Variants in GRIN2A observed in about 807,000 individuals in gnomAD.
The protein encoded by GRIN2A is glutamate receptor ionotropic, NMDA 2A.
A neutral mutation model predicts 113.4 loss-of-function variants in GRIN2A; 22 were observed. That is an observed-to-expected ratio of 0.19 (90% CI 0.14 to 0.28). GRIN2A has a LOEUF of 0.28. GRIN2A is among the 10% of genes least tolerant of loss of function. GRIN2A has a pLI of 1.00. For missense variants in GRIN2A, 1,502 were observed against 1,887.0 expected, an observed-to-expected ratio of 0.80 and a Z score of 3.78; for synonymous variants, 827 against 738.4, an observed-to-expected ratio of 1.12 and a Z score of -1.94.
At chr16:10,124,563 G>A (rs1780023629) in intron 2 of GRIN2A, among the ~76,000 whole-genome samples, 2 of 152,176 alleles carry the variant, frequency 1.3e-5, no homozygotes, top group South Asian at 2.1e-4. Flanking sequence ...TACAGACAGG[G>A]GCACTGAAAT....
chr16:10,063,411 T>C (rs1390429797), intron 2 of GRIN2A, among the ~76,000 whole-genome samples: 3 of 152,218 alleles, frequency 2.0e-5, no homozygotes, highest in African/African-American at 4.8e-5. Context: ...CAAATCACTG[T>C]GCATGAGCCC....
At chr16:9,881,382 C>A (rs879444932) in intron 4 of GRIN2A, among the ~76,000 whole-genome samples, 8 of 152,122 alleles carry the variant, frequency 5.3e-5, no homozygotes, top group Non-Finnish European at 2.9e-5. Context: ...TAAATAAAAC[C>A]ATTTCAGGGT....
In GRIN2A at chr16:10,023,584, G is replaced by T. The variant is rs78150038; in HGVS notation, c.415-85033C>A. Among the ~76,000 whole-genome samples, 831 of 152,286 alleles carry T rather than the reference G, an allele frequency of 5.5e-3. 5 individuals carry two copies. Among genetic ancestry groups the T allele is most frequent in the African/African-American group, 0.019 (797 of 41,546 alleles). ...TACTAAGTCCTCATTAACTGGTGAT[G>T]AAAGAAATAGATGTGAAGGAATTAA... On this transcript the variant is annotated intron_variant, in intron 2 of 12. Transcript: ENST00000330684.
At chr16:9,894,389 A>C (rs751950744) in intron 3 of GRIN2A, among the ~76,000 whole-genome samples, 1 of 152,234 alleles carries the variant, frequency 6.6e-6, no homozygotes, top group Non-Finnish European at 1.5e-5. Flanking sequence ...GCTTCTCTGC[A>C]CTTGAGGGGA....
chr16:10,074,171 A>G (rs2047821602), intron 2 of GRIN2A, among the ~76,000 whole-genome samples: 1 of 152,260 alleles, frequency 6.6e-6, no homozygotes, highest in South Asian at 2.1e-4. Context: ...CAAAATCACA[A>G]TCAGATAGCA....
At chr16:9,850,292 C>T (rs2042860781) in intron 4 of GRIN2A, among the ~76,000 whole-genome samples, 1 of 152,132 alleles carries the variant, frequency 6.6e-6, no homozygotes, top group Admixed American at 6.6e-5. Context: ...ACAGCATAGA[C>T]TTTTAGAATC....
Position 10,180,420 on chromosome 16 carries a change from C to A in GRIN2A, c.-9G>T, listed in dbSNP as rs2050244468. 6.2e-7 allele frequency: 1 copy of A among 1,602,876 alleles called. No homozygotes were observed. Among genetic ancestry groups the A allele is most frequent in the Admixed American group, 1.7e-5 (1 of 59,738 alleles). ...TAGCCCACTCTGCCCATAGTCGCCA[C>A]TGACGGTCCCTGCAAGGTGAAGAGT... On this transcript the variant is annotated 5_prime_UTR_variant, in exon 2 of 13. Coordinates refer to ENST00000330684, the MANE Select transcript of GRIN2A (RefSeq NM_001134407.3). This position sits in a 1 kb window ranked among gnomAD's most constrained non-coding sequence, Gnocchi z 7.0.
intron 2 of GRIN2A, among the ~76,000 whole-genome samples, chr16:9,995,196 A>C (rs892855617): frequency 6.6e-6 from 1 of 152,194 alleles, no homozygotes; most frequent in Non-Finnish European, 1.5e-5. Flanking sequence ...GGCCTGAATT[A>C]TAAGAAATCA....
intron 2 of GRIN2A, among the ~76,000 whole-genome samples, chr16:9,994,521 C>G (rs1256882622): frequency 1.3e-5 from 2 of 152,110 alleles, no homozygotes; most frequent in Non-Finnish European, 2.9e-5. Flanking sequence ...ATGTTAACCT[C>G]TGTGTGTCAA....
intron 10 of GRIN2A, among the ~76,000 whole-genome samples, chr16:9,816,352 C>A (rs930605877): frequency 6.6e-6 from 1 of 152,078 alleles, no homozygotes; most frequent in African/African-American, 2.4e-5. Flanking sequence ...GTAAAGGAAA[C>A]CAACAGAGAC....
At chr16:10,161,080 G>A (rs2049799731) in intron 2 of GRIN2A, among the ~76,000 whole-genome samples, 1 of 152,310 alleles carries the variant, frequency 6.6e-6, no homozygotes, top group East Asian at 1.9e-4. Flanking sequence ...ATCTTGAATT[G>A]TAGTTCCCAT....
chr16:10,100,373 T>G lies in GRIN2A; in HGVS notation c.414+79625A>C, dbSNP rs79151013. On this transcript the variant is annotated intron_variant, in intron 2 of 12. Transcript: ENST00000330684. Reference sequence around the variant, plus strand: ...GCAAAGGAGAGTAATTCGAAGACCTTTGGTAGTCCTGGCAAGAGATGTTGA... The same window carrying G: ...GCAAAGGAGAGTAATTCGAAGACCTGTGGTAGTCCTGGCAAGAGATGTTGA... Among the ~76,000 whole-genome samples, 1,258 of 152,262 alleles carry G rather than the reference T, an allele frequency of 8.3e-3. 22 individuals are homozygous for G. Among genetic ancestry groups the G allele is most frequent in the African/African-American group, 0.029 (1,206 of 41,546 alleles).
chr16:10,026,252 C>A (rs929739595), intron 2 of GRIN2A, among the ~76,000 whole-genome samples: 1 of 152,156 alleles, frequency 6.6e-6, no homozygotes, highest in South Asian at 2.1e-4. Flanking sequence ...CAAGTCACGT[C>A]ACCTTCCTAA....
chr16:10,104,476 T>G (rs768818965), intron 2 of GRIN2A, among the ~76,000 whole-genome samples: 3 of 152,152 alleles, frequency 2.0e-5, no homozygotes, highest in African/African-American at 7.2e-5. Flanking sequence ...GACTTAATAA[T>G]CAGTATGTAA....
chr16:10,068,018 G>C (rs958982289), intron 2 of GRIN2A, among the ~76,000 whole-genome samples: 1 of 152,210 alleles, frequency 6.6e-6, no homozygotes, highest in African/African-American at 2.4e-5. Flanking sequence ...GCTACAAGAT[G>C]GCTGAAAGCC....
intron 3 of GRIN2A, 21 bp from the exon 4 acceptor site, chr16:9,891,121 A>G (rs145077589): frequency 6.9e-7 from 1 of 1,455,324 alleles, no homozygotes; most frequent in African/African-American, 1.4e-5. Flanking sequence ...GAAGAGAGAA[A>G]GACAAATTTT....
chr16:9,943,014 T>C (rs769318330), intron 2 of GRIN2A: 2 of 152,200 alleles, frequency 1.3e-5, no homozygotes, highest in Non-Finnish European at 2.9e-5. Flanking sequence ...CAGGACATGA[T>C]GGGGAATCTG....
chr16:9,801,434 C>T (rs1903354819), intron 10 of GRIN2A, among the ~76,000 whole-genome samples: 1 of 152,188 alleles, frequency 6.6e-6, no homozygotes, highest in Non-Finnish European at 1.5e-5. Context: ...GAAACCTTCT[C>T]CTATCCTGCT....
chr16:10,092,256 G>C (rs115502855), intron 2 of GRIN2A, among the ~76,000 whole-genome samples: 7 of 152,160 alleles, frequency 4.6e-5, no homozygotes, highest in Non-Finnish European at 1.0e-4. Context: ...ATAATTACAT[G>C]CACATACTTT....
Sources: gnomAD v4.1 joint callset for allele counts (sites outside exome capture counted in the v4.1 genomes callset) on GRCh38, gnomAD v4.1.1 for gene constraint, Gnocchi (gnomAD v3.1) non-coding constraint, MANE v1.5 for transcripts, NCBI Gene and HGNC (gene_info 2026-07-23, HGNC 2026-07-21) for gene names.